The following GAPVD1 variants were observed in gnomAD, a reference collection of about 807,000 sequenced individuals.
The protein encoded by GAPVD1 is GTPase-activating protein and VPS9 domain-containing protein 1.
A neutral mutation model predicts 155.5 loss-of-function variants in GAPVD1; 35 were observed. That is an observed-to-expected ratio of 0.23 (90% confidence interval 0.17 to 0.30). The LOEUF (loss-of-function observed/expected upper bound fraction) is 0.30. GAPVD1 is among the 10% of genes least tolerant of loss of function. GAPVD1 has a pLI of 1.00. For missense variants in GAPVD1, 1,429 were observed against 1,775.7 expected (o/e 0.80, Z 3.51); for synonymous variants, 636 against 619.7 (o/e 1.03, Z -0.39).
At chr9:125,354,580 G>A in intron 23 of GAPVD1, 74 bp from the exon 24 acceptor site, 1 of 986,742 alleles carries the variant, frequency 1.0e-6, no homozygotes. Context: ...CTAAAGAAAA[G>A]TTAGGACCCT....
intron 10 of GAPVD1, among the ~76,000 whole-genome samples, chr9:125,322,202 C>T (rs1297020492): frequency 6.6e-6 from 1 of 152,000 alleles, no homozygotes; most frequent in African/African-American, 2.4e-5. Context: ...ATAGTTGGGA[C>T]TACAGGCACC....
intron 2 of GAPVD1, among the ~76,000 whole-genome samples, chr9:125,293,851 T>TATATATATATA (rs1417085235): frequency 5.2e-5 from 2 of 38,302 alleles, no homozygotes; most frequent in East Asian, 2.0e-3. Flanking sequence ...AAAAATATAT[T>TATATATATATA]TTATATATAT....
chr9:125,361,623 A>C (rs1276090496), intron 27 of GAPVD1, among the ~76,000 whole-genome samples: 3 of 151,990 alleles, frequency 2.0e-5, no homozygotes, highest in Non-Finnish European at 4.4e-5. Flanking sequence ...TACTTTTACC[A>C]TCTTCTTTAA....
Position 125,331,446 on chromosome 9 carries a change from C to T in GAPVD1, c.2174-480C>T, listed in dbSNP as rs1012742778. ...GAACTCCTGACCTCAGGTGATCTGC[C>T]GGCCTCGACCTCCCAAAGTGCTGGG... On this transcript the variant is annotated intron_variant, in intron 13 of 27. Coordinates refer to ENST00000297933, the MANE Select transcript of GAPVD1 (RefSeq NM_001282680.3). Among the ~76,000 whole-genome samples the T allele has an allele frequency of 5.3e-5, 8 of 152,110 alleles. No homozygotes were observed. The East Asian group carries it at 7.7e-4, about 15-fold the overall frequency.
At chr9:125,296,779 C>T (rs1241172949) in intron 3 of GAPVD1, among the ~76,000 whole-genome samples, 2 of 151,760 alleles carry the variant, frequency 1.3e-5, no homozygotes, top group African/African-American at 2.4e-5. Context: ...CCTGTCTCAG[C>T]CTCCTGAGTA....
At chr9:125,340,989 C>G (rs1029975225) in intron 17 of GAPVD1, among the ~76,000 whole-genome samples, 188 bp from the exon 18 acceptor site, 1 of 152,138 alleles carries the variant, frequency 6.6e-6, no homozygotes, top group African/African-American at 2.4e-5. Context: ...GAGGCTGATA[C>G]GGGGAGGATC....
chr9:125,274,532 C>T (rs551516076), intron 2 of GAPVD1, among the ~76,000 whole-genome samples: 35 of 145,570 alleles, frequency 2.4e-4, no homozygotes, highest in African/African-American at 7.9e-4. Context: ...GGTGCAATCT[C>T]GGCTCACTGC....
In GAPVD1 at chr9:125,354,747, G is replaced by A; in HGVS notation, c.3663G>A (p.Leu1221=). 6.2e-7 allele frequency: 1 copy of A among 1,613,740 alleles called. No homozygotes were observed. Among genetic ancestry groups the A allele is most frequent in the Non-Finnish European group, 8.5e-7 (1 of 1,179,644 alleles). Residue 1221 remains leucine (L), a synonymous_variant, in exon 24 of 28, where the codon TTG becomes TTA. Coordinates refer to ENST00000297933, the MANE Select transcript of GAPVD1 (RefSeq NM_001282680.3). ...AHLERLLQRV[L]RDKEVANRYF... is the part of the protein sequence containing the mutation. ...TGGAAAGGCTATTGCAAAGAGTTTT[G>A]CGGGACAAAGAAGTGGCCAATCGAT...
intron 15 of GAPVD1, 94 bp downstream of exon 15, chr9:125,332,723 A>AT (rs1846269510): frequency 8.8e-6 from 9 of 1,022,476 alleles, no homozygotes; most frequent in Non-Finnish European, 1.3e-5. Context: ...ATCTGTTGGT[A>AT]TAGCACTTTG....
intron 5 of GAPVD1, among the ~76,000 whole-genome samples, chr9:125,303,613 C>CTAAAA (rs1438418930): frequency 6.6e-6 from 1 of 151,786 alleles, no homozygotes; most frequent in Non-Finnish European, 1.5e-5. Flanking sequence ...CCCATCTCTA[C>CTAAAA]TAAAAATACA....
In GAPVD1 at chr9:125,302,166, G is replaced by A; in HGVS notation, c.369G>A (p.Glu123=). 6.2e-7 allele frequency: 1 copy of A among 1,613,892 alleles called. No individual in the cohort carries two copies. The highest frequency in any genetic ancestry group is 8.5e-7 in the Non-Finnish European group (1 of 1,179,912). The stretch of plus-strand genomic sequence containing the variant: ...TTGCTGGAGAGAAACTTAATCAGGA[G>A]AACACACAAAGTGTTATTTACACAG... ...SLVAGEKLNQ[E]NTQSVIYTVF... The change falls in exon 5 of 28, where the codon GAG becomes GAA. Residue 123 remains glutamate (E), a synonymous_variant. Transcript: ENST00000297933.
chr9:125,300,665 C>A (rs1172469265), intron 4 of GAPVD1, among the ~76,000 whole-genome samples: 1 of 151,950 alleles, frequency 6.6e-6, no homozygotes, highest in South Asian at 2.1e-4. Flanking sequence ...GGAAAGGGCA[C>A]GTGAAAGCGT....
At chr9:125,313,129 A>G (rs912749408) in intron 9 of GAPVD1, among the ~76,000 whole-genome samples, 4 of 150,376 alleles carry the variant, frequency 2.7e-5, no homozygotes, top group Non-Finnish European at 4.4e-5. Flanking sequence ...TGGTTGGGCT[A>G]TTTTATAAGG....
chr9:125,265,955 G>A (rs1833879539), intron 1 of GAPVD1, among the ~76,000 whole-genome samples: 1 of 147,272 alleles, frequency 6.8e-6, no homozygotes. Context: ...ACTGCTACCG[G>A]TTACTGTTAG....
At chr9:125,282,883 A>G (rs1163725239) in intron 2 of GAPVD1, among the ~76,000 whole-genome samples, 3 of 152,138 alleles carry the variant, frequency 2.0e-5, no homozygotes, top group South Asian at 2.1e-4. Context: ...GTTAATTAAA[A>G]TAGTCTTTGT....
rs571928937 is a variant in GAPVD1, at chr9:125,269,624, C to T, written c.-150+640C>T. 8.7e-5 allele frequency among the ~76,000 whole-genome samples: 13 copies of T among 150,120 alleles called. No individual in the cohort carries two copies. In the South Asian group the frequency reaches 1.9e-3, roughly 22 times the overall value. ...ATTTTTAGTAGAGACAAGGTTTCAC[C>T]ATGTTGGCTAGGCTGGTCTTGAACT... is the stretch of plus-strand genomic sequence containing the variant. On this transcript the variant is annotated intron_variant, in intron 2 of 27. Transcript: ENST00000297933.
At position 125,273,549 on chromosome 9, in the gene GAPVD1, G is replaced by C. The variant is rs568821783; in HGVS notation, c.-150+4565G>C. ...AAGACTGCAGAAGAGGTGATTTATTGTATGGATGTTATACTTGGCCACAAG... is the reference window on the plus strand; with the variant it reads ...AAGACTGCAGAAGAGGTGATTTATTCTATGGATGTTATACTTGGCCACAAG... On this transcript the variant is annotated intron_variant, in intron 2 of 27. Transcript: ENST00000297933. Among the ~76,000 whole-genome samples the C allele has an allele frequency of 2.7e-5, 4 of 145,596 alleles. No homozygotes were observed. The South Asian group carries it at 8.7e-4, about 32-fold the overall frequency.
intron 2 of GAPVD1, among the ~76,000 whole-genome samples, chr9:125,283,419 C>T (rs1380402074): frequency 2.6e-5 from 4 of 151,990 alleles, no homozygotes; most frequent in East Asian, 1.9e-4. Flanking sequence ...TGCAGTGTGG[C>T]GCAGTCTTGG....
intron 6 of GAPVD1, among the ~76,000 whole-genome samples, chr9:125,306,317 C>T (rs1319394011): frequency 1.3e-5 from 2 of 152,192 alleles, no homozygotes; most frequent in African/African-American, 2.4e-5. Flanking sequence ...CGTGAGCCAC[C>T]ACGCCTGGCC....
Sources: allele counts gnomAD v4.1 joint callset (sites outside exome capture counted in the v4.1 genomes callset), GRCh38; gene constraint gnomAD v4.1.1; transcripts MANE v1.5; gene names NCBI Gene and HGNC (gene_info 2026-07-23, HGNC 2026-07-21).